Variants in SLC38A10 observed in about 807,000 individuals in gnomAD.
SLC38A10 encodes Sodium-coupled neutral amino acid transporter 10.
Under a neutral mutation model 81.0 loss-of-function variants are expected in SLC38A10, and 53 were observed. That is an observed-to-expected ratio of 0.65 (90% CI 0.53 to 0.82). The LOEUF is 0.82. Ranked by LOEUF, SLC38A10 falls within the 40% of genes least tolerant of loss-of-function variation. The pLI, the probability that SLC38A10 is intolerant of heterozygous loss-of-function variation, is 0.00. For synonymous variants in SLC38A10, 665 were observed against 655.3 expected, an observed-to-expected ratio of 1.01 and a Z score of -0.23; for missense variants, 1,471 against 1,545.0, an observed-to-expected ratio of 0.95 and a Z score of 0.80.
intron 10 of SLC38A10, chr17:81,263,801 T>C (rs969029141): frequency 1.4e-4 from 21 of 152,350 alleles, no homozygotes. Context: ...GGGCAGCGCA[T>C]GCAGTGACCA....
At position 81,292,552 on chromosome 17, in the gene SLC38A10, C is replaced by T. The variant is rs536519973; in HGVS notation, c.99+2271G>A. 2.6e-5 allele frequency among the ~76,000 whole-genome samples: 4 copies of T among 152,282 alleles called. No individual in the cohort carries two copies. In the South Asian group the frequency reaches 6.2e-4, roughly 24 times the overall value. On this transcript the variant is annotated intron_variant, in intron 1 of 15. Coordinates refer to ENST00000374759, the MANE Select transcript of SLC38A10 (RefSeq NM_001037984.3). ...CAAATCGCCTGCTGGCGTCTCCCTG[C>T]GCCCCAGTCCAAGAAGGCTGCCGTG... is the stretch of plus-strand genomic sequence containing the variant.
chr17:81,251,406 G>T, intron 14 of SLC38A10, 87 bp downstream of exon 14: 2 of 1,611,464 alleles, frequency 1.2e-6, no homozygotes, highest in Non-Finnish European at 1.7e-6. Flanking sequence ...GGGCTCCCGA[G>T]GATGACCTGG....
chr17:81,246,445 G>T lies in SLC38A10; in HGVS notation c.2471C>A (p.Thr824Lys). ...PAGPPDGGPD[T>K]EPRAAQAKLR... ...CTTGGCCTGGGCTGCCCGAGGCTCT[G>T]TGTCAGGGCCGCCGTCAGGAGGGCC... The change falls in exon 16 of 16, where the codon ACA (threonine) becomes AAA (lysine). Residue 824 changes from threonine (T) to lysine (K), a missense_variant. Coordinates refer to ENST00000374759, the MANE Select transcript of SLC38A10 (RefSeq NM_001037984.3). The T allele has an allele frequency of 6.3e-7, 1 of 1,592,062 alleles. No homozygotes were observed.
In SLC38A10 at chr17:81,270,183, G is replaced by A. The variant is rs1202296095; in HGVS notation, c.1131+735C>T. Among the ~76,000 whole-genome samples, 4 of 152,288 alleles carry A rather than the reference G, an allele frequency of 2.6e-5. No individual in the cohort carries two copies. In the East Asian group the frequency reaches 5.8e-4, roughly 22 times the overall value. On this transcript the variant is annotated intron_variant, in intron 10 of 15. Transcript: ENST00000374759. The surrounding 1 kb of genome is among the most constrained non-coding windows in gnomAD (Gnocchi z 4.0). Reference sequence around the variant, plus strand: ...GGCCTTGAGCCTGGCTGGGAGTGACGCTGCAGGCACTTTGGGTAGAGCCAC... The same window carrying A: ...GGCCTTGAGCCTGGCTGGGAGTGACACTGCAGGCACTTTGGGTAGAGCCAC...
chr17:81,275,601 G>A (rs1175361518), intron 8 of SLC38A10, among the ~76,000 whole-genome samples: 16 of 150,532 alleles, frequency 1.1e-4, no homozygotes, highest in African/African-American at 2.2e-4. Flanking sequence ...GCATGGTGGC[G>A]CGCGCCTGTA....
Position 81,277,251 on chromosome 17 carries a change from A to T in SLC38A10, c.627-118T>A. The T allele has an allele frequency of 1.2e-6, 1 of 859,902 alleles. No individual in the cohort carries two copies. Among genetic ancestry groups the T allele is most frequent in the Non-Finnish European group, 1.9e-6 (1 of 535,500 alleles). The allele number at this position is 859,902 out of a possible 1,614,324, so 53.3% of individuals were successfully genotyped here. A position where few individuals can be genotyped will look rare whatever the true frequency, so the allele number is the denominator to read the frequency against. ...AGTCTCTGACCTTCCTTCATGCAAC[A>T]TTCTCTGCACACTGGAAGTCCCAGC... On this transcript the variant is annotated intron_variant, in intron 6 of 15. Coordinates refer to ENST00000374759, the MANE Select transcript of SLC38A10 (RefSeq NM_001037984.3). This position sits in a 1 kb window ranked among gnomAD's most constrained non-coding sequence, Gnocchi z 4.5.
In SLC38A10 at chr17:81,246,494, C is replaced by T; in HGVS notation, c.2422G>A (p.Gly808Arg). 1 of 1,546,690 alleles carries T rather than the reference C, an allele frequency of 6.5e-7. No homozygotes were observed. ...LNQRSLEHSE[G>R]PVGRDPAGPP... is the part of the protein sequence containing the mutation. ...CCAGCAGGGTCTCTGCCCACAGGCC[C>T]CTCAGAGTGCTCCAGGGAGCGCTGG... Residue 808 changes from glycine to arginine, a missense_variant, in exon 16 of 16, where the codon GGG (glycine) becomes AGG (arginine). Gly to Arg is a moderately radical substitution (Grantham distance 125). This residue lies in a region of SLC38A10 where 751 missense variants were observed against 717.4 expected (regional missense o/e 1.05). Coordinates refer to ENST00000374759, the MANE Select transcript of SLC38A10 (RefSeq NM_001037984.3).
chr17:81,289,845 C>T lies in SLC38A10; in HGVS notation c.100-37G>A, dbSNP rs200757002. 163 of 1,520,148 alleles carry T rather than the reference C, an allele frequency of 1.1e-4. No individual in the cohort carries two copies. The African/African-American group carries it at 2.1e-3, about 19-fold the overall frequency. 94.2% of individuals were successfully genotyped at this position (1,520,148 alleles called of 1,614,324 possible). A position where few individuals can be genotyped will look rare whatever the true frequency, so the allele number is the denominator to read the frequency against. ...AGACAGGAACACATGTTCACAGCAGCAGGTGCTCCCCAGAGGCCCTCACCC... is the reference window on the plus strand; with the variant it reads ...AGACAGGAACACATGTTCACAGCAGTAGGTGCTCCCCAGAGGCCCTCACCC... On this transcript the variant is annotated intron_variant, in intron 1 of 15. Transcript: ENST00000374759. The surrounding 1 kb of genome is among the most constrained non-coding windows in gnomAD (Gnocchi z 5.9).
At chr17:81,282,723 G>A (rs913895176) in intron 4 of SLC38A10, among the ~76,000 whole-genome samples, 1 of 152,208 alleles carries the variant, frequency 6.6e-6, no homozygotes, top group African/African-American at 2.4e-5. Context: ...AGGCCACTAC[G>A]AAGCACGGAA....
intron 14 of SLC38A10, chr17:81,247,285 CT>C (rs1255020166): frequency 4.7e-6 from 2 of 423,532 alleles, no homozygotes; most frequent in Non-Finnish European, 4.1e-6. Flanking sequence ...CTGACTGCCC[CT>C]GGAAGCCCAC....
At chr17:81,255,187 G>A (rs760452611) in intron 11 of SLC38A10, among the ~76,000 whole-genome samples, 4 of 152,240 alleles carry the variant, frequency 2.6e-5, no homozygotes, top group African/African-American at 9.6e-5. Flanking sequence ...GATTGCACGG[G>A]CACCTGCAGG....
chr17:81,270,502 A>C lies in SLC38A10; in HGVS notation c.1131+416T>G, dbSNP rs1487692123. Among the ~76,000 whole-genome samples the C allele has an allele frequency of 6.6e-6, 1 of 152,182 alleles. No individual in the cohort carries two copies. The highest frequency in any genetic ancestry group is 1.5e-5 in the Non-Finnish European group (1 of 68,026). On this transcript the variant is annotated intron_variant, in intron 10 of 15. Coordinates refer to ENST00000374759, the MANE Select transcript of SLC38A10 (RefSeq NM_001037984.3). The surrounding 1 kb of genome is among the most constrained non-coding windows in gnomAD (Gnocchi z 4.0). ...GCAGCAGGAAGCTGTGTTACAGTTA[A>C]AGAAAAACCCACAAGCACGCACATC... is the stretch of plus-strand genomic sequence containing the variant.
At chr17:81,249,850 GAGA>G (rs1299012688) in intron 14 of SLC38A10, among the ~76,000 whole-genome samples, 1 of 152,180 alleles carries the variant, frequency 6.6e-6, no homozygotes, top group African/African-American at 2.4e-5. Context: ...CAGCAGGGCT[GAGA>G]AGGACCACGG....
chr17:81,270,842 G>T lies in SLC38A10; in HGVS notation c.1131+76C>A. ...CCCATCTGAAAACGCTGAACCAGGG[G>T]CTTCCTCCCGCCTCCACCTCTCCCC... is the stretch of plus-strand genomic sequence containing the variant. On this transcript the variant is annotated intron_variant, in intron 10 of 15. Transcript: ENST00000374759. The surrounding 1 kb of genome is among the most constrained non-coding windows in gnomAD (Gnocchi z 4.0). 2 of 1,258,476 alleles carry T rather than the reference G, an allele frequency of 1.6e-6. No individual in the cohort carries two copies. The highest frequency in any genetic ancestry group is 2.3e-6 in the Non-Finnish European group (2 of 869,852). 78.0% of individuals were successfully genotyped at this position (1,258,476 alleles called of 1,614,324 possible). A position where few individuals can be genotyped will look rare whatever the true frequency, so the allele number is the denominator to read the frequency against.
In SLC38A10 at chr17:81,283,493, C is replaced by A. The variant is rs1420391255; in HGVS notation, c.273G>T (p.Gly91=). ...GKMLVETSMI[G]LMLGTCIAFY... is the part of the protein sequence containing the mutation. ...AGGCGATGCAGGTGCCCAGCATCAG[C>A]CCGATCATGCTGCACAGGGACGGGG... Residue 91 remains glycine (G), a synonymous_variant, in exon 4 of 16, where the codon GGG becomes GGT. Transcript: ENST00000374759. This position sits in a 1 kb window ranked among gnomAD's most constrained non-coding sequence, Gnocchi z 4.7. The A allele has an allele frequency of 6.2e-7, 1 of 1,610,004 alleles. No individual in the cohort carries two copies. Among genetic ancestry groups the A allele is most frequent in the Non-Finnish European group, 8.5e-7 (1 of 1,178,336 alleles).
Position 81,245,715 on chromosome 17 carries a change from C to T in SLC38A10, c.3201G>A (p.Arg1067=), listed in dbSNP as rs769617110. 1.2e-6 allele frequency: 2 copies of T among 1,600,226 alleles called. No homozygotes were observed. Among genetic ancestry groups the T allele is most frequent in the African/African-American group, 1.3e-5 (1 of 74,728 alleles). The change falls in exon 16 of 16, where the codon AGG becomes AGA. Residue 1067 remains arginine, a synonymous_variant. Coordinates refer to ENST00000374759, the MANE Select transcript of SLC38A10 (RefSeq NM_001037984.3). ...GGTTAAGGCCAATGATGACCCCATCCCTCGGGGCCAGCTGACCCTCTGCAT... is the reference window on the plus strand; with the variant it reads ...GGTTAAGGCCAATGATGACCCCATCTCTCGGGGCCAGCTGACCCTCTGCAT... ...GPHAEGQLAP[R]DGVIIGLNPL...
rs947253755 is a variant in SLC38A10 at position 81,281,966 on chromosome 17, C to A, written c.501+223G>T. On this transcript the variant is annotated intron_variant, in intron 5 of 15. Transcript: ENST00000374759. This position sits in a 1 kb window ranked among gnomAD's most constrained non-coding sequence, Gnocchi z 5.3. Reference sequence around the variant, plus strand: ...ACCCCTGCCCTGAGCCCCAGCCTCTCCTGCCAGCCAACCGCACCTGGGTCC... The same window carrying A: ...ACCCCTGCCCTGAGCCCCAGCCTCTACTGCCAGCCAACCGCACCTGGGTCC... 1.3e-5 allele frequency among the ~76,000 whole-genome samples: 2 copies of A among 152,194 alleles called. No individual in the cohort carries two copies. The highest frequency in any genetic ancestry group is 4.8e-5 in the African/African-American group (2 of 41,454).
Position 81,246,518 on chromosome 17 carries a change from G to C in SLC38A10, c.2398C>G (p.Gln800Glu). Reference sequence around the variant, plus strand: ...CCCTCAGAGTGCTCCAGGGAGCGCTGGTTAAGGTCCTGGGATGGAGCAGGG... The same window carrying C: ...CCCTCAGAGTGCTCCAGGGAGCGCTCGTTAAGGTCCTGGGATGGAGCAGGG... ...GRPAPSQDLN[Q>E]RSLEHSEGPV... is the part of the protein sequence containing the mutation. Residue 800 changes from glutamine (Q) to glutamate (E), a missense_variant, in exon 16 of 16, where the codon CAG becomes GAG. This residue lies in a region of SLC38A10 where 751 missense variants were observed against 717.4 expected (regional missense o/e 1.05). Transcript: ENST00000374759. 2 of 1,528,712 alleles carry C rather than the reference G, an allele frequency of 1.3e-6. No individual in the cohort carries two copies. The highest frequency in any genetic ancestry group is 1.8e-6 in the Non-Finnish European group (2 of 1,140,442). 94.7% of individuals were successfully genotyped at this position (1,528,712 alleles called of 1,614,324 possible). A position where few individuals can be genotyped will look rare whatever the true frequency, so the allele number is the denominator to read the frequency against.
intron 10 of SLC38A10, among the ~76,000 whole-genome samples, chr17:81,266,014 C>G (rs184131185): frequency 1.1e-4 from 16 of 152,224 alleles, no homozygotes; most frequent in Non-Finnish European, 2.2e-4. Flanking sequence ...TCACCCAATT[C>G]TGTGTGTGTC....
Sources: gnomAD v4.1 joint callset for allele counts (sites outside exome capture counted in the v4.1 genomes callset) on GRCh38, gnomAD v4.1.1 for gene constraint, gnomAD v4.1.1 regional missense constraint, Gnocchi (gnomAD v3.1) non-coding constraint, MANE v1.5 for transcripts, NCBI Gene and HGNC (gene_info 2026-07-23, HGNC 2026-07-21) for gene names.